Variants in MACF1 observed in about 807,000 individuals in gnomAD.
The protein encoded by MACF1 is microtubule-actin cross-linking factor 1.
Under a neutral mutation model 854.8 loss-of-function variants are expected in MACF1, and 193 were observed. The ratio of observed to expected loss-of-function variants is 0.23; its 90% CI spans 0.20 to 0.25. The LOEUF (loss-of-function observed/expected upper bound fraction) is 0.25, where lower values mean the gene tolerates loss of function less well. MACF1 is among the 10% of genes least tolerant of loss of function. MACF1 has a pLI of 1.00. For missense variants in MACF1, 7,722 were observed against 8,929.1 expected (o/e 0.86, Z 5.45); for synonymous variants, 3,185 against 3,226.7 (o/e 0.99, Z 0.44).
Position 39,335,506 on chromosome 1 carries a change from G to C in MACF1, c.8918G>C (p.Ser2973Thr). ...CAACCAATGAATGCTCGGGTGAAAA[G>C]TAAGAGAGAGAAGAGGGAGGTGATT... ...LQQPMNARVK[S>T]KREKREVIVE... The change falls in exon 37 of 101, where the codon AGT (serine) becomes ACT (threonine). Residue 2973 changes from serine to threonine, a missense_variant. This residue lies in a region of MACF1 where 854 missense variants were observed against 852.6 expected (regional missense o/e 1.00). Coordinates refer to ENST00000564288, the MANE Select transcript of MACF1 (RefSeq NM_001394062.1). 1 of 1,614,188 alleles carries C rather than the reference G, an allele frequency of 6.2e-7. No homozygotes were observed. The highest frequency in any genetic ancestry group is 8.5e-7 in the Non-Finnish European group (1 of 1,180,016).
intron 2 of MACF1, among the ~76,000 whole-genome samples, chr1:39,111,736 C>A (rs896040161): frequency 1.3e-5 from 2 of 152,062 alleles, no homozygotes; most frequent in African/African-American, 4.8e-5. Context: ...AGGCTAGTCT[C>A]GAACTAGCTT....
At chr1:39,119,317 CA>C (rs745686071) in intron 2 of MACF1, among the ~76,000 whole-genome samples, 31,510 of 84,744 alleles carry the variant, frequency 0.37, 2,143 homozygotes, top group East Asian at 0.52. Context: ...AACTCCGTCT[CA>C]AAAAAAAAAA....
At chr1:39,154,766 C>T (rs1004717488) in intron 2 of MACF1, among the ~76,000 whole-genome samples, 1 of 151,906 alleles carries the variant, frequency 6.6e-6, no homozygotes. Flanking sequence ...ATTCAGAAGC[C>T]CTCAGGACCA....
intron 58 of MACF1, chr1:39,410,478 C>T (rs1377240932): frequency 1.2e-6 from 2 of 1,613,966 alleles, no homozygotes; most frequent in Non-Finnish European, 1.7e-6. Flanking sequence ...GTACTATATC[C>T]AGCAATGGTA....
In MACF1 at chr1:39,315,361, C is replaced by T. The variant is rs916599218; in HGVS notation, c.3271-152C>T. 1.7e-5 allele frequency: 10 copies of T among 598,538 alleles called. No individual in the cohort carries two copies. The African/African-American group carries it at 1.7e-4, about 10-fold the overall frequency. The allele number at this position is 598,538 out of a possible 1,614,324, so 37.1% of individuals were successfully genotyped here. On this transcript the variant is annotated intron_variant, in intron 26 of 100. Coordinates refer to ENST00000564288, the MANE Select transcript of MACF1 (RefSeq NM_001394062.1). ...TTTCATTTACAGCTGCATAATTCTC[C>T]ATCGTATGTCTGCTTCATAGTTTAT...
chr1:39,413,766 G>A (rs1322372018), intron 58 of MACF1: 1 of 1,610,306 alleles, frequency 6.2e-7, no homozygotes, highest in African/African-American at 1.3e-5. Flanking sequence ...CCACCCCCGA[G>A]GAATCTGCCT....
At chr1:39,102,932 C>T (rs147738421) in intron 2 of MACF1, 4 of 701,876 alleles carry the variant, frequency 5.7e-6, no homozygotes, top group Non-Finnish European at 1.0e-5. Flanking sequence ...CCGCTTTGTT[C>T]CTCTAGCCTT....
At chr1:39,293,223 A>G (rs1206368651) in intron 17 of MACF1, among the ~76,000 whole-genome samples, 1 of 152,200 alleles carries the variant, frequency 6.6e-6, no homozygotes, top group Non-Finnish European at 1.5e-5. Flanking sequence ...GCCCAGGACC[A>G]TTCTTTATCC....
Position 39,333,333 on chromosome 1 carries a change from A to G in MACF1, c.6745A>G (p.Ile2249Val), listed in dbSNP as rs1048586544. ...DHKESQEAQN[I>V]AGGSMMMSEK... is the part of the protein sequence containing the mutation. ...TAAAGAAAGTCAAGAAGCACAGAAC[A>G]TCGCAGGTGGTAGTATGATGATGTC... The change falls in exon 37 of 101, where the codon ATC becomes GTC. Residue 2249 changes from isoleucine to valine, a missense_variant. Transcript: ENST00000564288. The G allele has an allele frequency of 1.2e-6, 2 of 1,614,104 alleles. No individual in the cohort carries two copies. Among genetic ancestry groups the G allele is most frequent in the East Asian group, 2.2e-5 (1 of 44,878 alleles).
Position 39,349,925 on chromosome 1 carries a change from A to G in MACF1, c.10965+298A>G, listed in dbSNP as rs1254855386. 2.0e-5 allele frequency among the ~76,000 whole-genome samples: 3 copies of G among 152,184 alleles called. No homozygotes were observed. In the East Asian group the frequency reaches 5.8e-4, roughly 29 times the overall value. On this transcript the variant is annotated intron_variant, in intron 42 of 100. Transcript: ENST00000564288. Reference sequence around the variant, plus strand: ...GTTAGGATAACAGGCTTGAGCCACCATGCCTGGTGATTTTTTCATTCCTTC... The same window carrying G: ...GTTAGGATAACAGGCTTGAGCCACCGTGCCTGGTGATTTTTTCATTCCTTC...
chr1:39,353,188 A>G lies in MACF1; in HGVS notation c.11381A>G (p.Asn3794Ser), dbSNP rs1386008448. Residue 3794 changes from asparagine (N) to serine (S), a missense_variant, in exon 44 of 101, where the codon AAT becomes AGT. Coordinates refer to ENST00000564288, the MANE Select transcript of MACF1 (RefSeq NM_001394062.1). ...ACCACTGATGGTTACATGGGGGTGA[A>G]TCAAGCCCCAGAGAAACTGGACAAG... The part of the protein sequence containing the change: ...LDTTDGYMGV[N>S]QAPEKLDKQC... The G allele has an allele frequency of 1.2e-6, 2 of 1,610,468 alleles. No individual in the cohort carries two copies. Among genetic ancestry groups the G allele is most frequent in the Non-Finnish European group, 1.7e-6 (2 of 1,176,992 alleles).
intron 58 of MACF1, among the ~76,000 whole-genome samples, chr1:39,397,164 GTC>G (rs1201153765): frequency 2.6e-5 from 4 of 152,108 alleles, no homozygotes; most frequent in Non-Finnish European, 5.9e-5. Flanking sequence ...GTCTCAGATA[GTC>G]TCTAGTTAAC....
At chr1:39,399,371 C>CTTTTTTTTTTTTTTT (rs1330401656) in intron 58 of MACF1, among the ~76,000 whole-genome samples, 3 of 96,746 alleles carry the variant, frequency 3.1e-5, no homozygotes, top group Non-Finnish European at 3.9e-5. Flanking sequence ...CTTTATAAAG[C>CTTTTTTTTTTTTTTT]TTTTTTTTTT....
chr1:39,429,266 A>C lies in MACF1; in HGVS notation c.16828A>C (p.Arg5610=). The change falls in exon 64 of 101, where the codon AGA becomes CGA. Residue 5610 remains arginine (R), a synonymous_variant. Coordinates refer to ENST00000564288, the MANE Select transcript of MACF1 (RefSeq NM_001394062.1). ...HLALNEEIVN[R]KKNVDQAIKN... Reference sequence around the variant, plus strand: ...GGCTTTAAATGAAGAAATTGTTAATAGAAAGAAGAATGTAGATCAAGCTAT... The same window carrying C: ...GGCTTTAAATGAAGAAATTGTTAATCGAAAGAAGAATGTAGATCAAGCTAT... 1 of 1,568,918 alleles carries C rather than the reference A, an allele frequency of 6.4e-7. No homozygotes were observed. Among genetic ancestry groups the C allele is most frequent in the Non-Finnish European group, 8.8e-7 (1 of 1,139,982 alleles).
At chr1:39,094,143 A>AC (rs1456723389) in intron 2 of MACF1, among the ~76,000 whole-genome samples, 1 of 151,938 alleles carries the variant, frequency 6.6e-6, no homozygotes, top group Non-Finnish European at 1.5e-5. Flanking sequence ...CTTCTGACTG[A>AC]CTGGCTATAA....
intron 95 of MACF1, chr1:39,467,732 TC>T (rs1261082687): frequency 5.9e-5 from 9 of 152,258 alleles, no homozygotes; most frequent in Non-Finnish European, 1.2e-4. Flanking sequence ...AATCATTTGT[TC>T]AGCTGAAGAA....
At chr1:39,114,700 G>A (rs1642502565) in intron 2 of MACF1, among the ~76,000 whole-genome samples, 1 of 152,182 alleles carries the variant, frequency 6.6e-6, no homozygotes, top group South Asian at 2.1e-4. Context: ...TATTGTCCTT[G>A]TCTCTCTATG....
chr1:39,304,488 C>G, intron 23 of MACF1: 1 of 1,436,046 alleles, frequency 7.0e-7, no homozygotes, highest in Non-Finnish European at 9.7e-7. Context: ...AATACTTTTC[C>G]TTGAGATTTT....
intron 85 of MACF1, 91 bp downstream of exon 85, chr1:39,451,302 CT>C (rs971219472): frequency 5.1e-5 from 65 of 1,277,126 alleles, no homozygotes; most frequent in Admixed American, 3.2e-5. Context: ...CTCTGCCCTT[CT>C]TTCTAGGGGA....
Sources: allele counts gnomAD v4.1 joint callset (sites outside exome capture counted in the v4.1 genomes callset), GRCh38; gene constraint gnomAD v4.1.1; regional missense constraint gnomAD v4.1.1; transcripts MANE v1.5; gene names NCBI Gene and HGNC (gene_info 2026-07-23, HGNC 2026-07-21).